Variants in MARCHF1 observed in about 807,000 individuals in gnomAD.
MARCHF1 encodes the protein E3 ubiquitin-protein ligase MARCHF1.
Under a neutral mutation model 54.2 loss-of-function variants are expected in MARCHF1, and 40 were observed. The observed-to-expected ratio is 0.74, with a 90% CI of 0.57 to 0.96. The LOEUF (loss-of-function observed/expected upper bound fraction) is 0.96. Ranked by LOEUF, MARCHF1 falls within the 40% of genes least tolerant of loss-of-function variation. MARCHF1 has a pLI of 0.00. For synonymous variants in MARCHF1, 236 were observed against 236.3 expected (o/e 1.00, Z 0.01); for missense variants, 586 against 656.5 (o/e 0.89, Z 1.17).
chr4:163,733,362 G>T (rs1163781168), intron 4 of MARCHF1, among the ~76,000 whole-genome samples: 2 of 139,402 alleles, frequency 1.4e-5, no homozygotes, highest in Non-Finnish European at 3.1e-5. Context: ...ATGGAAATCT[G>T]GATCTATACA....
chr4:164,192,326 C>T (rs948935023), intron 1 of MARCHF1, among the ~76,000 whole-genome samples: 8 of 150,336 alleles, frequency 5.3e-5, no homozygotes, highest in African/African-American at 2.0e-4. Context: ...TTACTATTTA[C>T]TTATATAAGT....
intron 1 of MARCHF1, among the ~76,000 whole-genome samples, chr4:164,318,949 G>T (rs913892622): frequency 1.6e-4 from 25 of 152,120 alleles, no homozygotes; most frequent in Non-Finnish European, 3.4e-4. Flanking sequence ...TCTGTGACTT[G>T]ATAATACTCA....
At chr4:164,076,004 A>T (rs1754970008) in intron 2 of MARCHF1, among the ~76,000 whole-genome samples, 1 of 152,186 alleles carries the variant, frequency 6.6e-6, no homozygotes, top group Admixed American at 6.5e-5. Context: ...CCATGAATGC[A>T]GTTAAAAATG....
At chr4:164,257,365 T>G (rs1353159366) in intron 1 of MARCHF1, among the ~76,000 whole-genome samples, 1 of 152,056 alleles carries the variant, frequency 6.6e-6, no homozygotes, top group African/African-American at 2.4e-5. Flanking sequence ...GTAAGTTAGA[T>G]TTTTCTTTTT....
At chr4:164,151,746 ATAAAAT>A (rs1204124417) in intron 1 of MARCHF1, among the ~76,000 whole-genome samples, 1 of 152,138 alleles carries the variant, frequency 6.6e-6, no homozygotes. Context: ...AAATAGTAAA[ATAAAAT>A]TAAAAGTATT....
chr4:164,361,879 C>A (rs1730732380), intron 1 of MARCHF1, among the ~76,000 whole-genome samples: 1 of 151,908 alleles, frequency 6.6e-6, no homozygotes, highest in South Asian at 2.1e-4. Flanking sequence ...ATCTCATTTA[C>A]AGAAATGAAT....
chr4:163,654,583 G>T (rs1352692298), intron 5 of MARCHF1, among the ~76,000 whole-genome samples: 1 of 151,582 alleles, frequency 6.6e-6, no homozygotes, highest in Non-Finnish European at 1.5e-5. Context: ...TGGGTGAATT[G>T]TTCTCATTCT....
chr4:164,265,566 AT>A (rs1345249193), intron 1 of MARCHF1, among the ~76,000 whole-genome samples: 1 of 150,252 alleles, frequency 6.7e-6, no homozygotes, highest in Non-Finnish European at 1.5e-5. Context: ...TGATGGAATC[AT>A]GCTTTTACTT....
chr4:163,891,568 T>TAA (rs766255771), intron 3 of MARCHF1, among the ~76,000 whole-genome samples: 17 of 150,786 alleles, frequency 1.1e-4, no homozygotes, highest in East Asian at 5.8e-4. Flanking sequence ...CAAAAAAAGC[T>TAA]AAAAAAAAAC....
At chr4:164,091,410 T>TTTTTTATA (rs145149996) in intron 2 of MARCHF1, among the ~76,000 whole-genome samples, 35 of 136,926 alleles carry the variant, frequency 2.6e-4, no homozygotes, top group South Asian at 4.6e-4. Flanking sequence ...TCACCAAGTT[T>TTTTTTATA]TATATATATA....
At chr4:164,380,228 C>G (rs1488895951) in intron 1 of MARCHF1, among the ~76,000 whole-genome samples, 1 of 152,176 alleles carries the variant, frequency 6.6e-6, no homozygotes, top group African/African-American at 2.4e-5. Flanking sequence ...AAATAGAATT[C>G]ACACATTAGG....
intron 1 of MARCHF1, among the ~76,000 whole-genome samples, chr4:164,140,076 G>A (rs1756491299): frequency 6.6e-6 from 1 of 151,792 alleles, no homozygotes; most frequent in Non-Finnish European, 1.5e-5. Context: ...TTTTTACCAG[G>A]TTTTTGGACT....
intron 4 of MARCHF1, among the ~76,000 whole-genome samples, chr4:163,833,276 C>T (rs973629293): frequency 5.9e-5 from 9 of 152,106 alleles, no homozygotes; most frequent in African/African-American, 9.7e-5. Context: ...TTTTAATGAT[C>T]GCCAAAATAC....
At chr4:163,608,569 T>C (rs748841174) in intron 7 of MARCHF1, among the ~76,000 whole-genome samples, 51 of 152,084 alleles carry the variant, frequency 3.4e-4, no homozygotes, top group Non-Finnish European at 5.9e-5. Flanking sequence ...ATGCAATTCC[T>C]TTTTCAAAAA....
intron 1 of MARCHF1, among the ~76,000 whole-genome samples, chr4:164,160,532 C>T (rs2110939697): frequency 6.6e-6 from 1 of 152,200 alleles, no homozygotes; most frequent in Non-Finnish European, 1.5e-5. Context: ...TATAATATGA[C>T]TTTAGATTTC....
intron 7 of MARCHF1, among the ~76,000 whole-genome samples, chr4:163,587,690 A>G (rs1740453926): frequency 6.6e-6 from 1 of 152,116 alleles, no homozygotes; most frequent in Non-Finnish European, 1.5e-5. Flanking sequence ...GGTGATGGGA[A>G]CTTTAGAAGC....
At chr4:163,945,990 T>A (rs1281694377) in intron 3 of MARCHF1, among the ~76,000 whole-genome samples, 1 of 116,388 alleles carries the variant, frequency 8.6e-6, no homozygotes, top group Non-Finnish European at 2.0e-5. Context: ...CAACCTGTAT[T>A]TTTAGTGCAT....
At chr4:164,130,514 C>T (rs1166983188) in intron 1 of MARCHF1, among the ~76,000 whole-genome samples, 1 of 152,074 alleles carries the variant, frequency 6.6e-6, no homozygotes, top group African/African-American at 2.4e-5. Context: ...ATTATGTTTT[C>T]ATTGTGTATA....
chr4:164,008,745 T>C (rs189088136), intron 2 of MARCHF1, among the ~76,000 whole-genome samples: 152 of 152,142 alleles, frequency 1.0e-3, no homozygotes, highest in Non-Finnish European at 1.6e-3. Context: ...AGTGAGTCAA[T>C]TGAGAAGTTA....
Sources: gnomAD v4.1 joint callset for allele counts (sites outside exome capture counted in the v4.1 genomes callset) on GRCh38, gnomAD v4.1.1 for gene constraint, MANE v1.5 for transcripts, NCBI Gene and HGNC (gene_info 2026-07-23, HGNC 2026-07-21) for gene names.